The following MROH7 variants were observed in gnomAD, a reference collection of about 807,000 sequenced individuals.
MROH7 encodes the protein maestro heat like repeat family member 7, also known as maestro heat-like repeat-containing protein family member 7.
A neutral mutation model predicts 129.2 loss-of-function variants in MROH7; 113 were observed. The observed-to-expected ratio is 0.87, with a 90% CI of 0.75 to 1.02. The LOEUF (loss-of-function observed/expected upper bound fraction) is 1.02. Ranked by LOEUF, MROH7 falls within the 50% of genes least tolerant of loss-of-function variation. The pLI is 0.00. For missense variants in MROH7, 1,601 were observed against 1,671.3 expected, an observed-to-expected ratio of 0.96 and a Z score of 0.73; for synonymous variants, 655 against 667.9, an observed-to-expected ratio of 0.98 and a Z score of 0.30.
chr1:54,702,730 A>G lies in MROH7; in HGVS notation c.3549A>G (p.Lys1183=). The G allele has an allele frequency of 6.2e-7, 1 of 1,612,948 alleles. No homozygotes were observed. Among genetic ancestry groups the G allele is most frequent in the Non-Finnish European group, 8.5e-7 (1 of 1,179,540 alleles). ...PWDNQQQTVA[K]ICKCLVNTHR... ...ACAACCAACAGCAGACAGTGGCCAA[A>G]ATTTGCAAGTGCCTTGTGAGTGCTC... Residue 1183 remains lysine, a synonymous_variant, in exon 21 of 24, where the codon AAA becomes AAG. Coordinates refer to ENST00000421030, the MANE Select transcript of MROH7 (RefSeq NM_001039464.4).
At chr1:54,677,453 C>G (rs1164286476) in intron 10 of MROH7, among the ~76,000 whole-genome samples, 1 of 152,088 alleles carries the variant, frequency 6.6e-6, no homozygotes, top group African/African-American at 2.4e-5. Flanking sequence ...AACAAAAAAC[C>G]CGAAGTGTGG....
At position 54,679,417 on chromosome 1, in the gene MROH7, A is replaced by G. The variant is rs1163821234; in HGVS notation, c.2204A>G (p.Tyr735Cys). The part of the protein sequence containing the change: ...EVMLSSVLEW[Y>C]RHRALEVIPE... ...ATGCTCAGCTCGGTGCTGGAGTGGT[A>G]CCGCCACAGGGCGCTGGAGGTGGTA... Residue 735 changes from tyrosine (Y) to cysteine (C), a missense_variant, in exon 12 of 24, where the codon TAC becomes TGC. By Grantham distance (194) the Tyr-to-Cys change is radical. Transcript: ENST00000421030. 1.2e-6 allele frequency: 2 copies of G among 1,613,758 alleles called. No homozygotes were observed. Among genetic ancestry groups the G allele is most frequent in the Admixed American group, 3.3e-5 (2 of 60,014 alleles).
chr1:54,693,262 C>T (rs1022566660), intron 16 of MROH7, among the ~76,000 whole-genome samples: 1 of 152,120 alleles, frequency 6.6e-6, no homozygotes, highest in African/African-American at 2.4e-5. Flanking sequence ...TCTGCAGAGG[C>T]AACATAGTGA....
chr1:54,670,670 C>G, intron 6 of MROH7, 94 bp downstream of exon 6: 1 of 1,240,900 alleles, frequency 8.1e-7, no homozygotes, highest in Non-Finnish European at 1.1e-6. Context: ...TCCCCCAACC[C>G]GCCCCCACCC....
intron 10 of MROH7, among the ~76,000 whole-genome samples, chr1:54,675,457 C>G (rs1250783748): frequency 6.6e-6 from 1 of 152,162 alleles, no homozygotes; most frequent in African/African-American, 2.4e-5. Context: ...GGACAAAGAT[C>G]TGGTCCCTGG....
intron 21 of MROH7, among the ~76,000 whole-genome samples, chr1:54,705,520 T>G (rs939583636): frequency 2.6e-5 from 4 of 152,160 alleles, no homozygotes; most frequent in African/African-American, 9.7e-5. Context: ...GGGATGGAGC[T>G]CTGCCTAAGG....
At chr1:54,662,008 C>T (rs188637116) in intron 3 of MROH7, among the ~76,000 whole-genome samples, 4 of 151,852 alleles carry the variant, frequency 2.6e-5, no homozygotes, top group Non-Finnish European at 5.9e-5. Flanking sequence ...TGCTTGAACC[C>T]AGGAGTTTGC....
chr1:54,679,545 C>A, intron 12 of MROH7, 106 bp downstream of exon 12: 1 of 1,242,144 alleles, frequency 8.1e-7, no homozygotes, highest in East Asian at 2.4e-5. Context: ...GTGGGGTATA[C>A]CTGAACCCCC....
At chr1:54,705,401 G>A (rs1645516970) in intron 21 of MROH7, among the ~76,000 whole-genome samples, 1 of 152,174 alleles carries the variant, frequency 6.6e-6, no homozygotes, top group South Asian at 2.1e-4. Context: ...CCTTCTCTTG[G>A]GGGAGCCCGA....
chr1:54,675,068 T>C (rs181270387), intron 10 of MROH7, among the ~76,000 whole-genome samples: 2 of 152,182 alleles, frequency 1.3e-5, no homozygotes, highest in Admixed American at 6.5e-5. Flanking sequence ...CTCTGCCACC[T>C]GGGTTCAAAT....
At chr1:54,694,831 G>C (rs944871674) in intron 16 of MROH7, among the ~76,000 whole-genome samples, 30 of 152,300 alleles carry the variant, frequency 2.0e-4, no homozygotes, top group African/African-American at 7.2e-4. Context: ...GTGGCACTGA[G>C]AGGACCACTG....
At position 54,686,394 on chromosome 1, in the gene MROH7, C is replaced by G; in HGVS notation, c.2657C>G (p.Ala886Gly). Residue 886 changes from alanine to glycine, a missense_variant, in exon 15 of 24, where the codon GCT (alanine) becomes GGT (glycine). Physicochemically the swap from Ala to Gly is moderately conservative, Grantham distance 60. Coordinates refer to ENST00000421030, the MANE Select transcript of MROH7 (RefSeq NM_001039464.4). ...HIGLNLPGCVAPPKDTKKGAQ... is the reference protein window; with the variant it reads ...HIGLNLPGCVGPPKDTKKGAQ... Reference sequence around the variant, plus strand: ...GGCCTCAACCTGCCTGGCTGCGTGGCTCCTCCCAAGGACACCAAGAAGGGT... The same window carrying G: ...GGCCTCAACCTGCCTGGCTGCGTGGGTCCTCCCAAGGACACCAAGAAGGGT... 1 of 1,614,148 alleles carries G rather than the reference C, an allele frequency of 6.2e-7. No individual in the cohort carries two copies. Among genetic ancestry groups the G allele is most frequent in the African/African-American group, 1.3e-5 (1 of 75,056 alleles).
In MROH7 at chr1:54,703,557, C is replaced by T. The variant is rs903010317; in HGVS notation, c.3564+812C>T. ...CATGGTTCTTCATATAATAGTTTCC[C>T]AAACTTATTTAACCACAGAGCTTCC... On this transcript the variant is annotated intron_variant, in intron 21 of 23. Transcript: ENST00000421030. The surrounding 1 kb of genome is among the most constrained non-coding windows in gnomAD (Gnocchi z 4.4). Among the ~76,000 whole-genome samples, 3 of 151,356 alleles carry T rather than the reference C, an allele frequency of 2.0e-5. No individual in the cohort carries two copies. Among genetic ancestry groups the T allele is most frequent in the Non-Finnish European group, 4.4e-5 (3 of 67,928 alleles).
At chr1:54,659,052 G>T in intron 3 of MROH7, 1 of 412,660 alleles carries the variant, frequency 2.4e-6, no homozygotes, top group South Asian at 1.7e-5. Flanking sequence ...ATTGCCAATA[G>T]AATAATACTG....
Position 54,682,804 on chromosome 1 carries a change from C to T in MROH7, c.2520+10C>T, listed in dbSNP as rs1557714042. Reference sequence around the variant, plus strand: ...CATCGTGCCCCTGGCGGTGAGCACCCAGTCAGCCAGCCCCTATTGCTGCCT... The same window carrying T: ...CATCGTGCCCCTGGCGGTGAGCACCTAGTCAGCCAGCCCCTATTGCTGCCT... On this transcript the variant is annotated intron_variant, in intron 14 of 23. Coordinates refer to ENST00000421030, the MANE Select transcript of MROH7 (RefSeq NM_001039464.4). 2 of 1,607,960 alleles carry T rather than the reference C, an allele frequency of 1.2e-6. No individual in the cohort carries two copies. Among genetic ancestry groups the T allele is most frequent in the Admixed American group, 1.7e-5 (1 of 59,820 alleles).
At chr1:54,654,960 T>A (rs1437188487) in intron 3 of MROH7, among the ~76,000 whole-genome samples, 2 of 152,264 alleles carry the variant, frequency 1.3e-5, no homozygotes, top group East Asian at 1.9e-4. Context: ...ATATTAAGAT[T>A]TTTTAAAAAG....
Position 54,653,078 on chromosome 1 carries a change from C to T in MROH7, c.152C>T (p.Pro51Leu), listed in dbSNP as rs769649902. ...MAQVPMLNLL[P>L]SPGLALVPDL... ...CAGGTGCCTATGTTGAATCTGCTCC[C>T]AAGTCCTGGCTTGGCTCTCGTTCCA... Residue 51 changes from proline (P) to leucine (L), a missense_variant, in exon 3 of 24, where the codon CCA becomes CTA. Coordinates refer to ENST00000421030, the MANE Select transcript of MROH7 (RefSeq NM_001039464.4). 1.9e-6 allele frequency: 3 copies of T among 1,614,198 alleles called. No individual in the cohort carries two copies. In the South Asian group the frequency reaches 3.3e-5, roughly 18 times the overall value.
intron 15 of MROH7, among the ~76,000 whole-genome samples, chr1:54,691,565 G>T (rs1332786562): frequency 6.6e-6 from 1 of 152,248 alleles, no homozygotes; most frequent in African/African-American, 2.4e-5. Flanking sequence ...CAGCACTTTG[G>T]GAGGCTGAGG....
At chr1:54,684,409 C>G (rs1645115503) in intron 14 of MROH7, among the ~76,000 whole-genome samples, 1 of 152,234 alleles carries the variant, frequency 6.6e-6, no homozygotes, top group South Asian at 2.1e-4. Context: ...CCTAAGGCAC[C>G]AGCACTCCTT....
Sources: allele counts gnomAD v4.1 joint callset (sites outside exome capture counted in the v4.1 genomes callset), GRCh38; gene constraint gnomAD v4.1.1; non-coding constraint Gnocchi (gnomAD v3.1); transcripts MANE v1.5; gene names NCBI Gene and HGNC (gene_info 2026-07-23, HGNC 2026-07-21).